HECW1: variants seen among roughly 807,000 people sequenced by gnomAD.
The protein encoded by HECW1 is E3 ubiquitin-protein ligase HECW1.
HECW1 carries 61 observed loss-of-function variants against 182.3 expected under a neutral mutation model. The ratio of observed to expected loss-of-function variants is 0.33; its 90% CI spans 0.27 to 0.41. The LOEUF (loss-of-function observed/expected upper bound fraction) is 0.41. Among genes scored for constraint, HECW1 ranks in the 10% least tolerant of loss-of-function variants. The pLI is 1.00. For synonymous variants in HECW1, 859 were observed against 832.6 expected (o/e 1.03, Z -0.55); for missense variants, 1,739 against 2,108.9 (o/e 0.82, Z 3.44).
At chr7:43,465,642 A>G (rs1392001320) in intron 14 of HECW1, among the ~76,000 whole-genome samples, 1 of 152,188 alleles carries the variant, frequency 6.6e-6, no homozygotes, top group Non-Finnish European at 1.5e-5. Context: ...AAGTCCCAAT[A>G]CAACTGGGTG....
intron 24 of HECW1, 89 bp from the exon 25 acceptor site, chr7:43,541,074 G>C: frequency 2.0e-6 from 2 of 1,022,152 alleles, no homozygotes; most frequent in Non-Finnish European, 3.1e-6. Context: ...TAAGATGAAT[G>C]CTCAAACACA....
chr7:43,490,868 G>A (rs759089093), intron 17 of HECW1, among the ~76,000 whole-genome samples: 6 of 151,966 alleles, frequency 3.9e-5, no homozygotes, highest in Admixed American at 6.6e-5. Context: ...AGGGATTCTC[G>A]TGCCTCAGCC....
chr7:43,127,818 G>C (rs1269933514), intron 2 of HECW1, among the ~76,000 whole-genome samples: 1 of 151,616 alleles, frequency 6.6e-6, no homozygotes, highest in Non-Finnish European at 1.5e-5. Context: ...AGAAGCTGCA[G>C]CAAATTGTCC....
chr7:43,343,966 G>A (rs999873082), intron 5 of HECW1, among the ~76,000 whole-genome samples: 10 of 151,780 alleles, frequency 6.6e-5, no homozygotes, highest in Non-Finnish European at 1.3e-4. Context: ...GTGTGAGATG[G>A]TGTCTCATTG....
intron 5 of HECW1, among the ~76,000 whole-genome samples, chr7:43,348,077 T>C (rs1171833321): frequency 6.6e-6 from 1 of 152,176 alleles, no homozygotes; most frequent in African/African-American, 2.4e-5. Flanking sequence ...TCTTGTGGAA[T>C]AGTGTCAAAA....
chr7:43,488,135 C>T (rs1176250026), intron 17 of HECW1, among the ~76,000 whole-genome samples: 1 of 151,890 alleles, frequency 6.6e-6, no homozygotes, highest in Non-Finnish European at 1.5e-5. Flanking sequence ...CATGGCAAAA[C>T]CCCATCTCTA....
At chr7:43,501,635 GC>G (rs1215739210) in intron 21 of HECW1, among the ~76,000 whole-genome samples, 1 of 152,022 alleles carries the variant, frequency 6.6e-6, no homozygotes, top group Non-Finnish European at 1.5e-5. Context: ...TTCAAGACCA[GC>G]CTGGGCAACA....
chr7:43,114,160 T>G lies in HECW1; in HGVS notation c.-263T>G. 1 of 1,026,820 alleles carries G rather than the reference T, an allele frequency of 9.7e-7. No individual in the cohort carries two copies. Among genetic ancestry groups the G allele is most frequent in the Non-Finnish European group, 1.3e-6 (1 of 767,122 alleles). 63.6% of individuals were successfully genotyped at this position (1,026,820 alleles called of 1,614,324 possible). ...TTCCCCCCTTCTCTTTGAAAAGATA[T>G]CAATGCTATGTTCAGCAGAAACGGA... is the stretch of plus-strand genomic sequence containing the variant. On this transcript the variant is annotated 5_prime_UTR_variant, in exon 2 of 30. Coordinates refer to ENST00000395891, the MANE Select transcript of HECW1 (RefSeq NM_015052.5).
chr7:43,319,572 C>T (rs1809806811), intron 4 of HECW1, among the ~76,000 whole-genome samples: 1 of 123,444 alleles, frequency 8.1e-6, no homozygotes. Context: ...TCTATCACAG[C>T]ACCCTGTTCT....
intron 3 of HECW1, among the ~76,000 whole-genome samples, chr7:43,266,150 C>T (rs117213090): frequency 5.8e-4 from 89 of 152,182 alleles, no homozygotes; most frequent in African/African-American, 1.9e-3. Context: ...GGTCAAGGGG[C>T]GGGCTAAAAA....
At chr7:43,175,010 T>C (rs921968435) in intron 2 of HECW1, among the ~76,000 whole-genome samples, 7 of 152,064 alleles carry the variant, frequency 4.6e-5, no homozygotes, top group African/African-American at 1.7e-4. Flanking sequence ...ACTCAAGGAT[T>C]AGAACAGCTC....
intron 24 of HECW1, among the ~76,000 whole-genome samples, chr7:43,517,112 T>C (rs912640616): frequency 2.6e-5 from 4 of 152,206 alleles, no homozygotes; most frequent in African/African-American, 7.2e-5. Context: ...AGTCACTCTT[T>C]ACATAATTGT....
At chr7:43,406,500 T>C (rs2075614681) in intron 7 of HECW1, among the ~76,000 whole-genome samples, 1 of 152,214 alleles carries the variant, frequency 6.6e-6, no homozygotes, top group Non-Finnish European at 1.5e-5. Context: ...TTGAAACCCC[T>C]CACAACTTAA....
intron 5 of HECW1, 74 bp from the exon 6 acceptor site, chr7:43,360,812 G>A (rs1815778434): frequency 9.4e-7 from 1 of 1,066,252 alleles, no homozygotes; most frequent in Non-Finnish European, 1.5e-6. Context: ...TCTTAGAGAT[G>A]TCCTCTGTGG....
At position 43,214,123 on chromosome 7, in the gene HECW1, C is replaced by T. The variant is rs112000805; in HGVS notation, c.-31-29752C>T. Among the ~76,000 whole-genome samples, 682 of 151,862 alleles carry T rather than the reference C, an allele frequency of 4.5e-3. 2 individuals are homozygous for T. The highest frequency in any genetic ancestry group is 0.016 in the African/African-American group (648 of 41,480). On this transcript the variant is annotated intron_variant, in intron 2 of 29. Transcript: ENST00000395891. ...TAGTTTTTCTTTTCTAATTGAAATA[C>T]ACATATGTATTTCTATAGTTTTTCT...
At position 43,243,290 on chromosome 7, in the gene HECW1, G is replaced by T. The variant is rs1799056631; in HGVS notation, c.-31-585G>T. On this transcript the variant is annotated intron_variant, in intron 2 of 29. Transcript: ENST00000395891. The surrounding 1 kb of genome is among the most constrained non-coding windows in gnomAD (Gnocchi z 4.0). ...TAATTTTGGACATGGTAGCTCTAAA[G>T]TGCCAATGGTGAGACCAGTGATGCC... 6.6e-6 allele frequency among the ~76,000 whole-genome samples: 1 copy of T among 152,176 alleles called. No individual in the cohort carries two copies. The highest frequency in any genetic ancestry group is 6.5e-5 in the Admixed American group (1 of 15,284).
At chr7:43,320,867 T>A in intron 5 of HECW1, 125 bp downstream of exon 5, 1 of 718,426 alleles carries the variant, frequency 1.4e-6, no homozygotes, top group Non-Finnish European at 2.4e-6. Flanking sequence ...GAGGTGTAGA[T>A]TTAAAGAGAT....
At chr7:43,338,031 T>G (rs1217772815) in intron 5 of HECW1, among the ~76,000 whole-genome samples, 3 of 152,178 alleles carry the variant, frequency 2.0e-5, no homozygotes, top group Non-Finnish European at 4.4e-5. Context: ...TAAAACTGGT[T>G]TCAGGCAACT....
At position 43,243,740 on chromosome 7, in the gene HECW1, TC is replaced by T. The variant is rs1470900677; in HGVS notation, c.-31-133del. The T allele has an allele frequency of 8.5e-6, 6 of 708,760 alleles. No homozygotes were observed. The East Asian group carries it at 1.6e-4, about 19-fold the overall frequency. The allele number at this position is 708,760 out of a possible 1,614,324, so 43.9% of individuals were successfully genotyped here. A position where few individuals can be genotyped will look rare whatever the true frequency, so the allele number is the denominator to read the frequency against. On this transcript the variant is annotated intron_variant, in intron 2 of 29. Coordinates refer to ENST00000395891, the MANE Select transcript of HECW1 (RefSeq NM_015052.5). The surrounding 1 kb of genome is among the most constrained non-coding windows in gnomAD (Gnocchi z 4.0). The stretch of plus-strand genomic sequence containing the variant: ...ATGAGTGTGGTCCTTGTGTGATTTT[TC>T]CTTTTGCACGTCGGTTGCCCAGGCC...
Sources: gnomAD v4.1 joint callset for allele counts (sites outside exome capture counted in the v4.1 genomes callset) on GRCh38, gnomAD v4.1.1 for gene constraint, Gnocchi (gnomAD v3.1) non-coding constraint, MANE v1.5 for transcripts, NCBI Gene and HGNC (gene_info 2026-07-23, HGNC 2026-07-21) for gene names.